Variants in USH2A observed in about 807,000 individuals in gnomAD.
USH2A encodes Usher syndrome 2A (autosomal recessive, mild).
In USH2A, 443 loss-of-function variants were observed where a neutral mutation model predicts 538.9. The ratio of observed to expected loss-of-function variants is 0.82; its 90% CI spans 0.76 to 0.89. The LOEUF is 0.89. Ranked by LOEUF, USH2A falls within the 40% of genes least tolerant of loss-of-function variation. USH2A has a pLI of 0.00. For missense variants in USH2A, 6,633 were observed against 6,324.8 expected (o/e 1.05, Z -1.65); for synonymous variants, 2,413 against 2,273.5 (o/e 1.06, Z -1.75).
chr1:216,174,993 C>T (rs2102640559), intron 21 of USH2A: 3 of 1,299,446 alleles, frequency 2.3e-6, no homozygotes, highest in Non-Finnish European at 3.0e-6. Context: ...AAGACAAATA[C>T]AAAGCACATA....
intron 69 of USH2A, among the ~76,000 whole-genome samples, 163 bp downstream of exon 69, chr1:215,638,992 A>G (rs1227574085): frequency 6.6e-6 from 1 of 150,894 alleles, no homozygotes; most frequent in Non-Finnish European, 1.5e-5. Context: ...AAAAACAACA[A>G]CAAAAAAAAA....
At chr1:216,317,778 G>A (rs1158998822) in intron 9 of USH2A, among the ~76,000 whole-genome samples, 1 of 152,010 alleles carries the variant, frequency 6.6e-6, no homozygotes, top group Non-Finnish European at 1.5e-5. Flanking sequence ...GCTTGAAGCT[G>A]AGAGGCTGAG....
At chr1:215,657,027 A>G (rs1021792369) in intron 64 of USH2A, among the ~76,000 whole-genome samples, 1 of 152,268 alleles carries the variant, frequency 6.6e-6, no homozygotes, top group Non-Finnish European at 1.5e-5. Context: ...GGACAAATAG[A>G]TATTAAAAAG....
intron 32 of USH2A, among the ~76,000 whole-genome samples, chr1:216,044,828 G>T (rs1318619247): frequency 6.6e-6 from 1 of 152,036 alleles, no homozygotes; most frequent in African/African-American, 2.4e-5. Context: ...TTGTAAAATT[G>T]GGGTGTAAAA....
intron 49 of USH2A, among the ~76,000 whole-genome samples, chr1:215,802,631 A>T (rs1039616952): frequency 1.3e-5 from 2 of 152,106 alleles, no homozygotes; most frequent in Non-Finnish European, 2.9e-5. Flanking sequence ...GAATATGGAG[A>T]AATTGGCACA....
At chr1:216,025,782 T>C (rs1668949797) in intron 32 of USH2A, among the ~76,000 whole-genome samples, 1 of 152,108 alleles carries the variant, frequency 6.6e-6, no homozygotes, top group African/African-American at 2.4e-5. Flanking sequence ...TAAAATTATC[T>C]ATATAGTCTT....
At chr1:215,788,760 A>T (rs1379461271) in intron 51 of USH2A, among the ~76,000 whole-genome samples, 1 of 152,204 alleles carries the variant, frequency 6.6e-6, no homozygotes, top group East Asian at 1.9e-4. Flanking sequence ...CTGAGTAGAC[A>T]TAATTTTTAA....
At chr1:215,712,534 C>T (rs1659366984) in intron 61 of USH2A, among the ~76,000 whole-genome samples, 1 of 152,170 alleles carries the variant, frequency 6.6e-6, no homozygotes, top group South Asian at 2.1e-4. Context: ...ACCACCAGAA[C>T]ACTGTGGATG....
At chr1:216,121,148 AG>A (rs564001117) in intron 21 of USH2A, among the ~76,000 whole-genome samples, 1 of 152,190 alleles carries the variant, frequency 6.6e-6, no homozygotes, top group Non-Finnish European at 1.5e-5. Flanking sequence ...AATATATATT[AG>A]TTTCAAAACA....
intron 38 of USH2A, among the ~76,000 whole-genome samples, chr1:215,920,457 A>G (rs1480212585): frequency 6.6e-6 from 1 of 152,064 alleles, no homozygotes; most frequent in African/African-American, 2.4e-5. Flanking sequence ...AAGCTTACAT[A>G]TATTTTGTAT....
intron 21 of USH2A, among the ~76,000 whole-genome samples, chr1:216,140,302 T>C (rs1215510146): frequency 1.3e-5 from 2 of 152,158 alleles, no homozygotes; most frequent in Non-Finnish European, 2.9e-5. Flanking sequence ...GCACGGCACA[T>C]AGTAGATGCT....
chr1:215,945,520 TA>T (rs978753552), intron 37 of USH2A, among the ~76,000 whole-genome samples: 51 of 152,308 alleles, frequency 3.3e-4, no homozygotes, highest in African/African-American at 1.2e-3. Flanking sequence ...GGTCTTTTTT[TA>T]AAAGAAAGAA....
intron 49 of USH2A, among the ~76,000 whole-genome samples, chr1:215,812,231 C>T (rs1316198552): frequency 1.3e-5 from 2 of 151,968 alleles, no homozygotes; most frequent in Admixed American, 1.3e-4. Flanking sequence ...GGTGATCCAC[C>T]CGCCTCAGCC....
In USH2A at chr1:215,728,191, G is replaced by C; in HGVS notation, c.11905C>G (p.Pro3969Ala). ...CTCGTGGCTTGAGCCCAAGGAGCTG[G>C]AAAATCTTGAGGTGGAGCTTCCAGA... is the stretch of plus-strand genomic sequence containing the variant. Reference protein sequence around the residue: ...QTLEAPPQDFPAPWAQATSAH... With the variant: ...QTLEAPPQDFAAPWAQATSAH... The change falls in exon 61 of 72, where the codon CCA (proline) becomes GCA (alanine). Residue 3969 changes from proline to alanine, a missense_variant. Physicochemically the swap from Pro to Ala is conservative, Grantham distance 27. Transcript: ENST00000307340. The C allele has an allele frequency of 6.2e-7, 1 of 1,614,160 alleles. No individual in the cohort carries two copies. Among genetic ancestry groups the C allele is most frequent in the Non-Finnish European group, 8.5e-7 (1 of 1,180,032 alleles).
At chr1:215,814,609 C>T (rs1302194973) in intron 48 of USH2A, among the ~76,000 whole-genome samples, 2 of 152,010 alleles carry the variant, frequency 1.3e-5, no homozygotes, top group East Asian at 3.9e-4. Flanking sequence ...GCAGCTCTCC[C>T]CTTCGCTCTC....
At chr1:216,122,876 G>A (rs2102595858) in intron 21 of USH2A, among the ~76,000 whole-genome samples, 1 of 152,234 alleles carries the variant, frequency 6.6e-6, no homozygotes, top group Non-Finnish European at 1.5e-5. Context: ...ATAGAAAATT[G>A]CTTTTTATCA....
chr1:215,849,590 C>A (rs568687784), intron 44 of USH2A, among the ~76,000 whole-genome samples: 7 of 152,106 alleles, frequency 4.6e-5, no homozygotes, highest in African/African-American at 1.4e-4. Flanking sequence ...CCCCAATAAA[C>A]CTTACCCAAA....
chr1:216,134,752 A>G (rs182933834), intron 21 of USH2A, among the ~76,000 whole-genome samples: 5 of 152,246 alleles, frequency 3.3e-5, no homozygotes, highest in Admixed American at 6.5e-5. Flanking sequence ...ATTGTTTTCA[A>G]AGAAATAGCC....
At chr1:216,261,210 T>G (rs2036364341) in intron 11 of USH2A, among the ~76,000 whole-genome samples, 1 of 151,934 alleles carries the variant, frequency 6.6e-6, no homozygotes, top group African/African-American at 2.4e-5. Context: ...AACAATTTAA[T>G]AAAATATCTC....
Sources: gnomAD v4.1 joint callset for allele counts (sites outside exome capture counted in the v4.1 genomes callset) on GRCh38, gnomAD v4.1.1 for gene constraint, MANE v1.5 for transcripts, NCBI Gene and HGNC (gene_info 2026-07-23, HGNC 2026-07-21) for gene names.